The following EBF2 variants were observed in gnomAD, a reference collection of about 807,000 sequenced individuals.
EBF2 encodes the protein transcription factor COE2.
In EBF2, 21 loss-of-function variants were observed where a neutral mutation model predicts 72.8. The ratio of observed to expected loss-of-function variants is 0.29; its 90% CI spans 0.20 to 0.42. EBF2 has a LOEUF of 0.42. Ranked by LOEUF, EBF2 falls within the 10% of genes least tolerant of loss-of-function variation. The probability of loss-of-function intolerance (pLI) is 1.00; values close to 1 mark genes in which losing one functional copy is unlikely to be tolerated. For synonymous variants in EBF2, 299 were observed against 274.2 expected, an observed-to-expected ratio of 1.09 and a Z score of -0.89; for missense variants, 637 against 731.2, an observed-to-expected ratio of 0.87 and a Z score of 1.49.
chr8:25,985,330 T>C (rs1804432445), intron 6 of EBF2, among the ~76,000 whole-genome samples: 1 of 152,164 alleles, frequency 6.6e-6, no homozygotes, highest in Non-Finnish European at 1.5e-5. Context: ...TTGTACATGA[T>C]ATCCACATAA....
At chr8:25,872,531 C>G (rs1337378662) in intron 10 of EBF2, among the ~76,000 whole-genome samples, 1 of 152,166 alleles carries the variant, frequency 6.6e-6, no homozygotes, top group Admixed American at 6.5e-5. Flanking sequence ...AAGGGAGCTT[C>G]ACTTCATCAG....
intron 6 of EBF2, among the ~76,000 whole-genome samples, chr8:25,942,694 C>G (rs1477832214): frequency 1.3e-5 from 2 of 152,230 alleles, no homozygotes; most frequent in African/African-American, 4.8e-5. Flanking sequence ...CTGCACATAT[C>G]TCGTTTCCTT....
chr8:25,849,321 A>G (rs1351370660), intron 15 of EBF2, among the ~76,000 whole-genome samples: 1 of 152,166 alleles, frequency 6.6e-6, no homozygotes, highest in Admixed American at 6.5e-5. Flanking sequence ...TCAGGAACCT[A>G]ACGTACCTCC....
In EBF2 at chr8:25,861,019, T is replaced by C. The variant is rs1473777884; in HGVS notation, c.1342+30A>G. Reference sequence around the variant, plus strand: ...AGCAGAACTTTTTAAATTAGACATATTTGGATTTTGACTCTAAGAAAGGTG... The same window carrying C: ...AGCAGAACTTTTTAAATTAGACATACTTGGATTTTGACTCTAAGAAAGGTG... On this transcript the variant is annotated intron_variant, in intron 13 of 15. Transcript: ENST00000520164. The C allele has an allele frequency of 2.5e-6, 4 of 1,613,738 alleles. No homozygotes were observed. The East Asian group carries it at 8.9e-5, about 36-fold the overall frequency.
At chr8:26,018,700 G>A (rs1805154388) in intron 6 of EBF2, among the ~76,000 whole-genome samples, 1 of 151,546 alleles carries the variant, frequency 6.6e-6, no homozygotes. Context: ...AGAAACAAAG[G>A]GCTGCTGATG....
intron 10 of EBF2, among the ~76,000 whole-genome samples, chr8:25,864,859 G>A (rs1026845896): frequency 6.7e-6 from 1 of 149,594 alleles, no homozygotes; most frequent in African/African-American, 2.5e-5. Context: ...GTGCAGTGGT[G>A]CAATCTCAGC....
intron 6 of EBF2, among the ~76,000 whole-genome samples, chr8:26,008,398 G>A (rs1804918266): frequency 6.6e-6 from 1 of 152,162 alleles, no homozygotes; most frequent in South Asian, 2.1e-4. Context: ...GACCTGGTAA[G>A]GTCATGTTCC....
At chr8:26,027,298 C>T (rs534552793) in intron 6 of EBF2, among the ~76,000 whole-genome samples, 1 of 152,116 alleles carries the variant, frequency 6.6e-6, no homozygotes, top group East Asian at 1.9e-4. Context: ...ACATATGCTT[C>T]AGTAGAACAA....
chr8:25,876,261 T>G (rs1319897975), intron 10 of EBF2, among the ~76,000 whole-genome samples: 1 of 151,930 alleles, frequency 6.6e-6, no homozygotes, highest in Non-Finnish European at 1.5e-5. Flanking sequence ...GTCGGTGGGT[T>G]GGGGGCAGGG....
At chr8:25,951,966 T>C (rs1305682470) in intron 6 of EBF2, among the ~76,000 whole-genome samples, 1 of 152,194 alleles carries the variant, frequency 6.6e-6, no homozygotes, top group African/African-American at 2.4e-5. Context: ...AATTTGAACA[T>C]GTTGAAAAGT....
At chr8:25,964,100 T>C (rs1241705412) in intron 6 of EBF2, among the ~76,000 whole-genome samples, 1 of 152,166 alleles carries the variant, frequency 6.6e-6, no homozygotes, top group African/African-American at 2.4e-5. Flanking sequence ...CACACAGGCA[T>C]ACCCCGCACC....
chr8:25,927,280 C>T (rs959849908), intron 6 of EBF2, among the ~76,000 whole-genome samples: 1 of 141,622 alleles, frequency 7.1e-6, no homozygotes, highest in African/African-American at 2.5e-5. Context: ...CCCCACCCTA[C>T]AATAAGCCAA....
chr8:25,887,020 T>C, intron 9 of EBF2, 139 bp from the exon 10 acceptor site: 1 of 822,298 alleles, frequency 1.2e-6, no homozygotes, highest in Non-Finnish European at 1.8e-6. Flanking sequence ...TACTCCTAGC[T>C]CCAAATGCAC....
chr8:25,948,274 G>A (rs1323146608), intron 6 of EBF2, among the ~76,000 whole-genome samples: 1 of 152,232 alleles, frequency 6.6e-6, no homozygotes, highest in Non-Finnish European at 1.5e-5. Context: ...CAAGGGCTCT[G>A]TGGATGAATG....
At chr8:25,960,866 T>C (rs558266067) in intron 6 of EBF2, among the ~76,000 whole-genome samples, 3 of 152,344 alleles carry the variant, frequency 2.0e-5, no homozygotes, top group Non-Finnish European at 4.4e-5. Flanking sequence ...CTTATCTCTT[T>C]CAATTCCCCT....
intron 6 of EBF2, among the ~76,000 whole-genome samples, chr8:25,936,045 T>C (rs1803573430): frequency 6.6e-6 from 1 of 152,054 alleles, no homozygotes; most frequent in Non-Finnish European, 1.5e-5. Context: ...CGATGTGAAG[T>C]GTTGCTCAGG....
At chr8:25,850,481 C>G (rs1190153714) in intron 15 of EBF2, 113 bp downstream of exon 15, 2 of 1,291,900 alleles carry the variant, frequency 1.5e-6, no homozygotes, top group Non-Finnish European at 1.0e-6. Flanking sequence ...ATAAGAACAG[C>G]AAAGCATCTC....
At chr8:25,850,846 T>A in intron 14 of EBF2, 85 bp from the exon 15 acceptor site, 1 of 1,428,584 alleles carries the variant, frequency 7.0e-7, no homozygotes, top group Non-Finnish European at 9.3e-7. Flanking sequence ...TGAGAAATTG[T>A]TAATTTCCAT....
At chr8:26,042,387 T>A (rs568154482) in intron 1 of EBF2, 136 bp from the exon 2 acceptor site, 2 of 1,142,576 alleles carry the variant, frequency 1.8e-6, no homozygotes, top group Non-Finnish European at 2.4e-6. Flanking sequence ...TCGGGCCTTT[T>A]TTCCAATTCG....
Sources: allele counts gnomAD v4.1 joint callset (sites outside exome capture counted in the v4.1 genomes callset), GRCh38; gene constraint gnomAD v4.1.1; transcripts MANE v1.5; gene names NCBI Gene and HGNC (gene_info 2026-07-23, HGNC 2026-07-21).